The following ADGRE3 variants were observed in gnomAD, a reference collection of about 807,000 sequenced individuals.
The protein encoded by ADGRE3 is EGF-like module receptor 3.
In ADGRE3, 88 loss-of-function variants were observed where a neutral mutation model predicts 80.1. The observed-to-expected ratio is 1.10, with a 90% CI of 0.93 to 1.31. The LOEUF (loss-of-function observed/expected upper bound fraction) is 1.31. Among genes scored for constraint, ADGRE3 ranks in the 40% most tolerant of loss-of-function variants. The probability of loss-of-function intolerance (pLI) is 0.00; values close to 1 mark genes in which losing one functional copy is unlikely to be tolerated. For synonymous variants in ADGRE3, 281 were observed against 294.8 expected, an observed-to-expected ratio of 0.95 and a Z score of 0.48; for missense variants, 715 against 776.5, an observed-to-expected ratio of 0.92 and a Z score of 0.94.
chr19:14,666,601 T>C (rs1972114197), intron 2 of ADGRE3, among the ~76,000 whole-genome samples: 2 of 152,168 alleles, frequency 1.3e-5, no homozygotes, highest in South Asian at 4.1e-4. Flanking sequence ...GGTCTCAAGC[T>C]CCTGACTTCA....
At position 14,665,970 on chromosome 19, in the gene ADGRE3, A is replaced by ATATATATG. The variant is rs1568500872; in HGVS notation, c.77-2431_77-2430insCATATATA. ...TATATATATATATATATATATATAT[A>ATATATATG]TATATATAGTGTTTTCTTTATCCAC... On this transcript the variant is annotated intron_variant, in intron 2 of 15. Coordinates refer to ENST00000253673, the MANE Select transcript of ADGRE3 (RefSeq NM_032571.5). 6.6e-4 allele frequency among the ~76,000 whole-genome samples: 86 copies of ATATATATG among 130,108 alleles called. 2 individuals are homozygous for ATATATATG. The highest frequency in any genetic ancestry group is 2.3e-3 in the African/African-American group (85 of 36,224). 85.4% of individuals were successfully genotyped at this position (130,108 alleles called of 152,430 possible).
At chr19:14,607,874 C>T in the ADGRE3 span, among the ~76,000 whole-genome samples, 1 of 151,402 alleles carries the variant, frequency 6.6e-6, no homozygotes. Flanking sequence ...CTGCGCCCAA[C>T]CTTATTTTAG....
At chr19:14,655,242 C>T (rs1170420982) in intron 5 of ADGRE3, 77 bp from the exon 6 acceptor site, 2 of 1,306,752 alleles carry the variant, frequency 1.5e-6, no homozygotes, top group Non-Finnish European at 2.1e-6. Context: ...CAGTAGAAAG[C>T]ATGAGAAAGC....
intron 1 of ADGRE3, among the ~76,000 whole-genome samples, chr19:14,669,626 T>A (rs1787882954): frequency 6.6e-6 from 1 of 152,034 alleles, no homozygotes; most frequent in Non-Finnish European, 1.5e-5. Flanking sequence ...GTAGCTTGGA[T>A]TACAGGCACT....
chr19:14,668,960 AC>A, intron 1 of ADGRE3, 108 bp from the exon 2 acceptor site: 3 of 1,083,808 alleles, frequency 2.8e-6, no homozygotes, highest in Non-Finnish European at 1.4e-6. Context: ...GTAACAAATT[AC>A]AAAAATGTAG....
the ADGRE3 span, among the ~76,000 whole-genome samples, chr19:14,607,868 G>A: frequency 7.9e-5 from 12 of 150,972 alleles, no homozygotes; most frequent in Non-Finnish European, 1.2e-4. Context: ...GAGCCACTGC[G>A]CCCAACCTTA....
At chr19:14,605,233 G>A in the ADGRE3 span, among the ~76,000 whole-genome samples, 1 of 152,040 alleles carries the variant, frequency 6.6e-6, no homozygotes, top group Non-Finnish European at 1.5e-5. Context: ...GAGTAGCTGG[G>A]AATACAGGCA....
At chr19:14,647,059 A>G (rs1424076552) in intron 8 of ADGRE3, 122 bp downstream of exon 8, 3 of 684,832 alleles carry the variant, frequency 4.4e-6, no homozygotes, top group African/African-American at 1.8e-5. Context: ...CTCAATAGCG[A>G]CAGGTGCTCC....
chr19:14,613,831 G>T, the ADGRE3 span, among the ~76,000 whole-genome samples: 1 of 151,890 alleles, frequency 6.6e-6, no homozygotes, highest in Non-Finnish European at 1.5e-5. Flanking sequence ...GATTACAGGT[G>T]TGCGCCACCA....
downstream of ADGRE3, among the ~76,000 whole-genome samples, chr19:14,617,963 A>G (rs1165236531): frequency 6.6e-6 from 1 of 152,086 alleles, no homozygotes; most frequent in Admixed American, 6.6e-5. Flanking sequence ...CTTTTTTATT[A>G]AGTTCCATAG....
At chr19:14,652,055 T>C (rs1215618615) in intron 6 of ADGRE3, among the ~76,000 whole-genome samples, 2 of 151,744 alleles carry the variant, frequency 1.3e-5, no homozygotes, top group South Asian at 2.1e-4. Context: ...AATAAGTAAG[T>C]AAGTAAATAA....
In ADGRE3 at chr19:14,620,548, T is replaced by TATTATATATATA; in HGVS notation, c.1921-1078_1921-1077insTATATATATAAT. On this transcript the variant is annotated intron_variant, in intron 15 of 15. Coordinates refer to ENST00000253673, the MANE Select transcript of ADGRE3 (RefSeq NM_032571.5). ...TGAATATATATATTTTATATATATA[T>TATTATATATATA]TATATATATATATATATATATTTTT... Among the ~76,000 whole-genome samples the TATTATATATATA allele has an allele frequency of 3.3e-3, 82 of 24,942 alleles. 2 individuals carry two copies. Among genetic ancestry groups the TATTATATATATA allele is most frequent in the African/African-American group, 0.011 (52 of 4,650 alleles). The allele number at this position is 24,942 out of a possible 152,430, so 16.4% of individuals were successfully genotyped here. A position where few individuals can be genotyped will look rare whatever the true frequency, so the allele number is the denominator to read the frequency against.
rs192491514 is a variant in ADGRE3, at chr19:14,668,357, T to C, written c.76+445A>G. On this transcript the variant is annotated intron_variant, in intron 2 of 15. Coordinates refer to ENST00000253673, the MANE Select transcript of ADGRE3 (RefSeq NM_032571.5). ...ACCAAGAGTGATAACCAGACAAACTTTTTTTTTTTCTCTTAGATTCAAGAG... is the reference window on the plus strand; with the variant it reads ...ACCAAGAGTGATAACCAGACAAACTCTTTTTTTTTCTCTTAGATTCAAGAG... Among the ~76,000 whole-genome samples the C allele has an allele frequency of 1.5e-4, 22 of 147,260 alleles. No individual in the cohort carries two copies. In the East Asian group the frequency reaches 4.4e-3, roughly 30 times the overall value.
chr19:14,619,108 G>A (rs987968955), downstream of ADGRE3: 3 of 316,220 alleles, frequency 9.5e-6, no homozygotes, highest in South Asian at 9.0e-5. Context: ...CTTAAAAAAA[G>A]AGCAAGTTTA....
downstream of ADGRE3, among the ~76,000 whole-genome samples, chr19:14,617,181 A>C (rs116448920): frequency 0.021 from 3,178 of 151,840 alleles, 58 homozygotes; most frequent in African/African-American, 0.047. Context: ...GACTTTTTGG[A>C]TAGAAGGGGC....
the ADGRE3 span, among the ~76,000 whole-genome samples, chr19:14,613,134 C>A: frequency 6.6e-6 from 1 of 151,934 alleles, no homozygotes; most frequent in South Asian, 2.1e-4. Flanking sequence ...CCATGTTGGC[C>A]AGGCTGGTCT....
intron 2 of ADGRE3, 83 bp from the exon 3 acceptor site, chr19:14,663,623 G>A: frequency 5.4e-6 from 8 of 1,470,906 alleles, no homozygotes; most frequent in Non-Finnish European, 7.3e-6. Context: ...TTGATCACCT[G>A]AGGTCAGGAG....
At chr19:14,625,872 A>G (rs998158790) in intron 14 of ADGRE3, among the ~76,000 whole-genome samples, 5 of 152,140 alleles carry the variant, frequency 3.3e-5, no homozygotes, top group African/African-American at 1.2e-4. Context: ...TATATGAGGT[A>G]CCTAAAGTAG....
chr19:14,641,328 G>A, intron 10 of ADGRE3, 91 bp downstream of exon 10: 1 of 1,504,098 alleles, frequency 6.6e-7, no homozygotes, highest in Non-Finnish European at 9.2e-7. Flanking sequence ...CAGACCCAAG[G>A]ACATTTTATT....
Sources: allele counts gnomAD v4.1 joint callset (sites outside exome capture counted in the v4.1 genomes callset), GRCh38; gene constraint gnomAD v4.1.1; transcripts MANE v1.5; gene names NCBI Gene and HGNC (gene_info 2026-07-23, HGNC 2026-07-21).